Variants in ETNPPL observed in about 807,000 individuals in gnomAD.
The protein encoded by ETNPPL is alanine--glyoxylate aminotransferase 2-like 1.
Under a neutral mutation model 55.5 loss-of-function variants are expected in ETNPPL, and 30 were observed. The observed-to-expected ratio is 0.54, with a 90% CI of 0.40 to 0.73. The LOEUF (loss-of-function observed/expected upper bound fraction) is 0.73. ETNPPL is among the 30% of genes least tolerant of loss of function. ETNPPL has a pLI of 0.00. For missense variants in ETNPPL, 528 were observed against 607.9 expected (o/e 0.87, Z 1.38); for synonymous variants, 202 against 207.2 (o/e 0.98, Z 0.21).
chr4:108,755,537 C>G (rs1230965036), intron 4 of ETNPPL, among the ~76,000 whole-genome samples: 2 of 152,148 alleles, frequency 1.3e-5, no homozygotes, highest in Admixed American at 6.5e-5. Context: ...TATCCGTAGG[C>G]TAGCCTCGGT....
In ETNPPL at chr4:108,746,827, A is replaced by G; in HGVS notation, c.1107T>C (p.Ile369=). 1 of 1,613,820 alleles carries G rather than the reference A, an allele frequency of 6.2e-7. No homozygotes were observed. The highest frequency in any genetic ancestry group is 2.2e-5 in the East Asian group (1 of 44,862). The change falls in exon 10 of 13, where the codon ATT becomes ATC. Residue 369 remains isoleucine (I), a synonymous_variant. Transcript: ENST00000296486. The part of the protein sequence containing the change: ...DIRGIGLFIG[I]DLVKDHLKRT... ...TTTTCAGATGGTCCTTCACTAAATCAATTCCAATAAAAAGGCCAATGCCCC... is the reference window on the plus strand; with the variant it reads ...TTTTCAGATGGTCCTTCACTAAATCGATTCCAATAAAAAGGCCAATGCCCC...
In ETNPPL at chr4:108,749,278, G is replaced by C. The variant is rs143646148; in HGVS notation, c.887C>G (p.Ala296Gly). The C allele has an allele frequency of 2.3e-4, 370 of 1,614,020 alleles. 3 individuals are homozygous for C. The African/African-American group carries it at 2.7e-3, about 12-fold the overall frequency. The change falls in exon 8 of 13, where the codon GCA becomes GGA. Residue 296 changes from alanine to glycine, a missense_variant. Ala to Gly is a moderately conservative substitution (Grantham distance 60). Coordinates refer to ENST00000296486, the MANE Select transcript of ETNPPL (RefSeq NM_031279.4). ...CATCCCAGAGCTGCTGAAGGCTTCTGCAATTTCTTTGGTTGTTACCACACA... is the reference window on the plus strand; with the variant it reads ...CATCCCAGAGCTGCTGAAGGCTTCTCCAATTTCTTTGGTTGTTACCACACA... ...VACVVTTKEI[A>G]EAFSSSGMEY...
intron 1 of ETNPPL, chr4:108,762,599 C>A (rs1729562244): frequency 1.6e-6 from 1 of 629,118 alleles, no homozygotes; most frequent in South Asian, 1.9e-5. Context: ...GCTAGTCCGC[C>A]GGCTGCAGAG....
rs367945642 is a variant in ETNPPL, at chr4:108,746,745, G to T, written c.1172+17C>A. ...TGCAGCCAAGATACCAAACAGGTGGGTGTGGGGGTGAATTACTTGTAGATG... is the reference window on the plus strand; with the variant it reads ...TGCAGCCAAGATACCAAACAGGTGGTTGTGGGGGTGAATTACTTGTAGATG... On this transcript the variant is annotated intron_variant, in intron 10 of 12. Transcript: ENST00000296486. 1.2e-6 allele frequency: 2 copies of T among 1,608,756 alleles called. No individual in the cohort carries two copies. The highest frequency in any genetic ancestry group is 1.1e-5 in the South Asian group (1 of 90,978).
Position 108,754,674 on chromosome 4 carries a change from A to T in ETNPPL, c.447T>A (p.Ile149=). 6.2e-7 allele frequency: 1 copy of T among 1,600,300 alleles called. No homozygotes were observed. Among genetic ancestry groups the T allele is most frequent in the Non-Finnish European group, 8.6e-7 (1 of 1,168,726 alleles). The change falls in exon 5 of 13, where the codon ATT becomes ATA. Residue 149 remains isoleucine, a synonymous_variant. Transcript: ENST00000296486. ...YHGHLSSLIE[I]SPYKFQKGKD... ...TTCCTTTCTGAAACTTATATGGGCT[A>T]ATCTCAATTAAGGATGATAGGTGAC...
At chr4:108,754,965 T>C (rs1255299252) in intron 4 of ETNPPL, among the ~76,000 whole-genome samples, 1 of 152,224 alleles carries the variant, frequency 6.6e-6, no homozygotes, top group African/African-American at 2.4e-5. Context: ...TTCTTTTTAG[T>C]TGGGAAAAAC....
At chr4:108,754,561 A>G (rs573640053) in intron 5 of ETNPPL, 59 bp downstream of exon 5, 6 of 921,000 alleles carry the variant, frequency 6.5e-6, no homozygotes. Context: ...CATTGGCTGG[A>G]TTATCATTAA....
intron 7 of ETNPPL, among the ~76,000 whole-genome samples, chr4:108,750,681 C>T (rs1029199732): frequency 7.0e-6 from 1 of 142,912 alleles, no homozygotes; most frequent in Non-Finnish European, 1.5e-5. Flanking sequence ...TGGTACTAGC[C>T]AATCAGAGAG....
intron 3 of ETNPPL, among the ~76,000 whole-genome samples, chr4:108,758,125 G>A (rs1729313600): frequency 6.6e-6 from 1 of 150,510 alleles, no homozygotes; most frequent in Non-Finnish European, 1.5e-5. Flanking sequence ...CCAAGTAGCT[G>A]GGACTACAGG....
chr4:108,746,486 T>C lies in ETNPPL; in HGVS notation c.1216A>G (p.Arg406Gly), dbSNP rs1269031349. ...GGTGGTTTTATTTTAAGTACATTTC[T>C]ATGAGGTCCATCGGCACTGAGAAGC... ...RVLLSADGPH[R>G]NVLKIKPPMC... Residue 406 changes from arginine (R) to glycine (G), a missense_variant, in exon 11 of 13, where the codon AGA becomes GGA. Arg to Gly is a moderately radical substitution (Grantham distance 125). Coordinates refer to ENST00000296486, the MANE Select transcript of ETNPPL (RefSeq NM_031279.4). The C allele has an allele frequency of 1.9e-6, 3 of 1,613,510 alleles. No individual in the cohort carries two copies. The highest frequency in any genetic ancestry group is 2.5e-6 in the Non-Finnish European group (3 of 1,179,956).
At chr4:108,747,239 TAA>T (rs1491298945) in intron 9 of ETNPPL, among the ~76,000 whole-genome samples, 1 of 41,294 alleles carries the variant, frequency 2.4e-5, no homozygotes, top group African/African-American at 2.3e-4. Context: ...TATATATATA[TAA>T]TATATATATA....
intron 12 of ETNPPL, 83 bp downstream of exon 12, chr4:108,743,706 A>C (rs1443690551): frequency 9.3e-7 from 1 of 1,073,558 alleles, no homozygotes; most frequent in Non-Finnish European, 1.4e-6. Flanking sequence ...TCACTGCACA[A>C]TTTTTTGAAA....
chr4:108,759,728 GT>G lies in ETNPPL; in HGVS notation c.335+20del, dbSNP rs763793920. On this transcript the variant is annotated intron_variant, in intron 3 of 12. Transcript: ENST00000296486. ...CAAAGTTTAGTGGGAATGGGGAGGGGTGGGAAACCATGAAGCATACCCTGAA... is the reference window on the plus strand; with the variant it reads ...CAAAGTTTAGTGGGAATGGGGAGGGGGGGAAACCATGAAGCATACCCTGAA... The G allele has an allele frequency of 1.2e-6, 2 of 1,612,286 alleles. No individual in the cohort carries two copies. The highest frequency in any genetic ancestry group is 2.2e-5 in the South Asian group (2 of 90,884).
In ETNPPL at chr4:108,746,430, G is replaced by A; in HGVS notation, c.1272C>T (p.Phe424=). Residue 424 remains phenylalanine, a synonymous_variant, in exon 11 of 13, where the codon TTC becomes TTT. Transcript: ENST00000296486. ...GAATCCTATCAAGTTGGTCCACCAT[G>A]AACTTTGCATCTTCTTCAGTGAAGC... ...PMCFTEEDAK[F]MVDQLDRILT... 6.2e-7 allele frequency: 1 copy of A among 1,613,956 alleles called. No individual in the cohort carries two copies. Among genetic ancestry groups the A allele is most frequent in the Non-Finnish European group, 8.5e-7 (1 of 1,179,984 alleles).
At chr4:108,748,224 T>A in intron 8 of ETNPPL, 65 bp from the exon 9 acceptor site, 1 of 1,305,404 alleles carries the variant, frequency 7.7e-7, no homozygotes, top group Middle Eastern at 1.9e-4. Flanking sequence ...CCCTCATCCA[T>A]GAGAAATTTG....
chr4:108,762,969 C>T lies in ETNPPL; in HGVS notation c.-71G>A, dbSNP rs377350149. The T allele has an allele frequency of 1.4e-4, 206 of 1,506,804 alleles. 2 individuals are homozygous for T. The East Asian group carries it at 2.4e-3, about 18-fold the overall frequency. The allele number at this position is 1,506,804 out of a possible 1,614,324, so 93.3% of individuals were successfully genotyped here. A position where few individuals can be genotyped will look rare whatever the true frequency, so the allele number is the denominator to read the frequency against. On this transcript the variant is annotated 5_prime_UTR_variant, in exon 1 of 13. Coordinates refer to ENST00000296486, the MANE Select transcript of ETNPPL (RefSeq NM_031279.4). ...GCGCGCCTCCTACGCGAGCCTGGGA[C>T]TGCCTTGGCGGCCCCGGCCGGCCTT...
At chr4:108,747,878 GCCA>G (rs1235267255) in intron 9 of ETNPPL, 124 bp downstream of exon 9, 6 of 706,786 alleles carry the variant, frequency 8.5e-6, no homozygotes, top group Non-Finnish European at 1.4e-5. Context: ...ATTTGTGTGT[GCCA>G]CCACACCTGG....
intron 1 of ETNPPL, among the ~76,000 whole-genome samples, chr4:108,761,163 A>C (rs1307719225): frequency 6.6e-6 from 1 of 152,232 alleles, no homozygotes; most frequent in Admixed American, 6.5e-5. Flanking sequence ...AAATTTCACA[A>C]AGGCTTCTAA....
At chr4:108,762,377 A>T (rs1427451077) in intron 1 of ETNPPL, 1 of 479,084 alleles carries the variant, frequency 2.1e-6, no homozygotes, top group Admixed American at 2.3e-5. Context: ...GCAAGAAGAA[A>T]AAGCTCACTT....
Sources: allele counts gnomAD v4.1 joint callset (sites outside exome capture counted in the v4.1 genomes callset), GRCh38; gene constraint gnomAD v4.1.1; transcripts MANE v1.5; gene names NCBI Gene and HGNC (gene_info 2026-07-23, HGNC 2026-07-21).